The following CNKSR1 variants were observed in gnomAD, a reference collection of about 807,000 sequenced individuals.
CNKSR1 encodes the protein CNK homolog protein 1.
CNKSR1 carries 88 observed loss-of-function variants against 95.6 expected under a neutral mutation model. The observed-to-expected ratio is 0.92, with a 90% CI of 0.78 to 1.10. The LOEUF (loss-of-function observed/expected upper bound fraction) is 1.10. Ranked by LOEUF, CNKSR1 falls within the 50% of genes least tolerant of loss-of-function variation. CNKSR1 has a pLI of 0.00. For missense variants in CNKSR1, 836 were observed against 912.0 expected (o/e 0.92, Z 1.07); for synonymous variants, 355 against 369.7 (o/e 0.96, Z 0.46).
rs778109288 is a variant in CNKSR1, at chr1:26,180,906, T to C, written c.392+10T>C. 1.2e-6 allele frequency: 2 copies of C among 1,613,666 alleles called. No homozygotes were observed. Among genetic ancestry groups the C allele is most frequent in the Admixed American group, 3.3e-5 (2 of 59,994 alleles). ...TCTTCTGGCTCAGCAGGTACCCGGGTTGGGGTGACGAGTGAGGGACTATTG... is the reference window on the plus strand; with the variant it reads ...TCTTCTGGCTCAGCAGGTACCCGGGCTGGGGTGACGAGTGAGGGACTATTG... On this transcript the variant is annotated intron_variant, in intron 3 of 20. Coordinates refer to ENST00000361530, the MANE Select transcript of CNKSR1 (RefSeq NM_006314.3).
rs1045105 is a variant in CNKSR1, at chr1:26,189,465, C to T, written c.2059C>T (p.His687Tyr). 3.2e-3 allele frequency: 5,134 copies of T among 1,614,006 alleles called. 111 individuals are homozygous for T. In the African/African-American group the frequency reaches 0.054, roughly 17 times the overall value. Residue 687 changes from histidine (H) to tyrosine (Y), a missense_variant, in exon 21 of 21, where the codon CAC becomes TAC. Physicochemically the swap from His to Tyr is moderately conservative, Grantham distance 83. Coordinates refer to ENST00000361530, the MANE Select transcript of CNKSR1 (RefSeq NM_006314.3). The stretch of plus-strand genomic sequence containing the variant: ...CTCTGACTCCACAGAACAGTCCCCC[C>T]ACTCCCTGCCCTCTGACCCTGAAGA... ...LTSDSTEQSP[H>Y]SLPSDPEEHS...
At chr1:26,186,538 A>G (rs2088754316) in intron 14 of CNKSR1, among the ~76,000 whole-genome samples, 1 of 151,948 alleles carries the variant, frequency 6.6e-6, no homozygotes, top group East Asian at 1.9e-4. Context: ...GCAGTGGCGC[A>G]ATCGCAGCTC....
chr1:26,189,383 A>G lies in CNKSR1; in HGVS notation c.1977A>G (p.Ser659=), dbSNP rs773077969. ...QWKEQNRELY[S]EGLGAWGVAQ... ...AGGAGCAGAACCGGGAGCTGTACTCAGAGGGCCTGGGGGCCTGGGGAGTGG... is the reference window on the plus strand; with the variant it reads ...AGGAGCAGAACCGGGAGCTGTACTCGGAGGGCCTGGGGGCCTGGGGAGTGG... Residue 659 remains serine, a synonymous_variant, in exon 21 of 21, where the codon TCA becomes TCG. Transcript: ENST00000361530. 5.6e-6 allele frequency: 9 copies of G among 1,614,002 alleles called. No individual in the cohort carries two copies. The highest frequency in any genetic ancestry group is 8.5e-7 in the Non-Finnish European group (1 of 1,179,854).
intron 6 of CNKSR1, 50 bp downstream of exon 6, chr1:26,182,634 C>A: frequency 6.6e-7 from 1 of 1,509,090 alleles, no homozygotes; most frequent in Non-Finnish European, 9.1e-7. Context: ...GCAGCCTTGT[C>A]TGGGCCCTGA....
chr1:26,185,125 G>A lies in CNKSR1; in HGVS notation c.1247G>A (p.Arg416His), dbSNP rs765383449. 56 of 1,587,304 alleles carry A rather than the reference G, an allele frequency of 3.5e-5. No individual in the cohort carries two copies. In the East Asian group the frequency reaches 8.7e-4, roughly 25 times the overall value. Residue 416 changes from arginine (R) to histidine (H), a missense_variant, in exon 14 of 21, where the codon CGC becomes CAC. Physicochemically the swap from Arg to His is conservative, Grantham distance 29. Coordinates refer to ENST00000361530, the MANE Select transcript of CNKSR1 (RefSeq NM_006314.3). The part of the protein sequence containing the change: ...RKAPGGFMGP[R>H]WRRRWFVLKG... The stretch of plus-strand genomic sequence containing the variant: ...GCACCGGGCGGCTTCATGGGCCCGC[G>A]CTGGCGCCGCCGCTGGTTTGTGCTC...
chr1:26,180,617 G>A lies in CNKSR1; in HGVS notation c.210+7G>A, dbSNP rs1165275927. ...GGAACAGCTCCAGGCCCTGGTGAGT[G>A]AATGCTGGTCACACTGGCTGCAGCT... On this transcript the variant is annotated splice_region_variant and intron_variant, in intron 2 of 20. Transcript: ENST00000361530. The A allele has an allele frequency of 1.2e-6, 2 of 1,614,070 alleles. No homozygotes were observed. Among genetic ancestry groups the A allele is most frequent in the East Asian group, 4.5e-5 (2 of 44,896 alleles).
chr1:26,184,520 G>C lies in CNKSR1; in HGVS notation c.1107+13G>C. On this transcript the variant is annotated intron_variant, in intron 12 of 20. Transcript: ENST00000361530. ...ATCCCCTGACAAGGTAAGCTCAGGG[G>C]CTTAGCAAGGGGGTGGGTGGGTCTG... 1 of 1,608,088 alleles carries C rather than the reference G, an allele frequency of 6.2e-7. No homozygotes were observed. Among genetic ancestry groups the C allele is most frequent in the Non-Finnish European group, 8.5e-7 (1 of 1,177,210 alleles).
chr1:26,177,715 C>G, intron 1 of CNKSR1, 116 bp downstream of exon 1: 1 of 1,197,066 alleles, frequency 8.4e-7, no homozygotes, highest in South Asian at 1.4e-5. Context: ...CTGGTTCACA[C>G]CTGTAATCCC....
chr1:26,185,800 G>C (rs1327514398), intron 14 of CNKSR1, among the ~76,000 whole-genome samples: 1 of 152,030 alleles, frequency 6.6e-6, no homozygotes, highest in East Asian at 1.9e-4. Flanking sequence ...CAGAATGCTG[G>C]GATTATAGGC....
At chr1:26,188,164 TA>T (rs2088788807) in intron 16 of CNKSR1, 69 bp from the exon 17 acceptor site, 1 of 1,327,288 alleles carries the variant, frequency 7.5e-7, no homozygotes, top group Admixed American at 1.7e-5. Context: ...ATGATGTGGG[TA>T]AAAAGCCCCC....
chr1:26,184,591 G>C lies in CNKSR1; in HGVS notation c.1114G>C (p.Val372Leu), dbSNP rs751956083. The C allele has an allele frequency of 5.6e-6, 9 of 1,607,270 alleles. No homozygotes were observed. The highest frequency in any genetic ancestry group is 7.6e-6 in the Non-Finnish European group (9 of 1,177,114). Residue 372 changes from valine (V) to leucine (L), a missense_variant, in exon 13 of 21, where the codon GTT (valine) becomes CTT (leucine). Coordinates refer to ENST00000361530, the MANE Select transcript of CNKSR1 (RefSeq NM_006314.3). ...CCTTCTGCTGTCCTTTCAGAGTCCT[G>C]TTGGTCGGAAGAAATCAAAAGGTAT... ...GLPESPDKSP[V>L]GRKKSKGLAT...
rs746280422 is a variant in CNKSR1 at position 26,180,534 on chromosome 1, G to T, written c.134G>T (p.Ser45Ile). Residue 45 changes from serine to isoleucine, a missense_variant, in exon 2 of 21, where the codon AGC (serine) becomes ATC (isoleucine). Transcript: ENST00000361530. ...GKNLLQLCPQ[S>I]LEALAVRSLG... The stretch of plus-strand genomic sequence containing the variant: ...AACCTGCTCCAGCTCTGCCCCCAAA[G>T]CCTCGAGGCTCTGGCTGTGCGGTCT... 4 of 1,614,208 alleles carry T rather than the reference G, an allele frequency of 2.5e-6. No individual in the cohort carries two copies. Among genetic ancestry groups the T allele is most frequent in the Non-Finnish European group, 3.4e-6 (4 of 1,180,042 alleles).
rs770741751 is a variant in CNKSR1 at position 26,184,526 on chromosome 1, C to A, written c.1107+19C>A. ...TGACAAGGTAAGCTCAGGGGCTTAG[C>A]AAGGGGGTGGGTGGGTCTGGACCTA... On this transcript the variant is annotated intron_variant, in intron 12 of 20. Coordinates refer to ENST00000361530, the MANE Select transcript of CNKSR1 (RefSeq NM_006314.3). 8 of 1,606,916 alleles carry A rather than the reference C, an allele frequency of 5.0e-6. No individual in the cohort carries two copies. Among genetic ancestry groups the A allele is most frequent in the Non-Finnish European group, 6.8e-6 (8 of 1,176,422 alleles).
Position 26,184,203 on chromosome 1 carries a change from G to C in CNKSR1, c.927-11G>C, listed in dbSNP as rs751128178. On this transcript the variant is annotated splice_polypyrimidine_tract_variant and intron_variant, in intron 10 of 20. Transcript: ENST00000361530. ...ACCGTGGGCTCATCTCATCCCCCTTGCCCTCCCCAGGGCCCCATCTGAAGA... is the reference window on the plus strand; with the variant it reads ...ACCGTGGGCTCATCTCATCCCCCTTCCCCTCCCCAGGGCCCCATCTGAAGA... The C allele has an allele frequency of 1.2e-6, 2 of 1,612,496 alleles. No individual in the cohort carries two copies. The highest frequency in any genetic ancestry group is 2.2e-5 in the East Asian group (1 of 44,764).
rs774855755 is a variant in CNKSR1 at position 26,177,559 on chromosome 1, A to G, written c.12A>G (p.Val4=). 1.2e-6 allele frequency: 2 copies of G among 1,614,000 alleles called. No homozygotes were observed. Among genetic ancestry groups the G allele is most frequent in the African/African-American group, 2.7e-5 (2 of 74,952 alleles). The change falls in exon 1 of 21, where the codon GTA becomes GTG. Residue 4 remains valine, a synonymous_variant. Transcript: ENST00000361530. MEP[V]ETWTPGKVAT... Reference sequence around the variant, plus strand: ...GGCAGAGCTGGGCCATGGAACCGGTAGAGACCTGGACCCCCGGAAAGGTGG... The same window carrying G: ...GGCAGAGCTGGGCCATGGAACCGGTGGAGACCTGGACCCCCGGAAAGGTGG...
In CNKSR1 at chr1:26,189,405, G is replaced by A; in HGVS notation, c.1999G>A (p.Val667Met). 1.9e-6 allele frequency: 3 copies of A among 1,613,956 alleles called. No homozygotes were observed. The highest frequency in any genetic ancestry group is 1.7e-6 in the Non-Finnish European group (2 of 1,179,834). ...LYSEGLGAWG[V>M]AQAEGSSHIL... Reference sequence around the variant, plus strand: ...CTCAGAGGGCCTGGGGGCCTGGGGAGTGGCACAGGCTGAAGGCAGCTCCCA... The same window carrying A: ...CTCAGAGGGCCTGGGGGCCTGGGGAATGGCACAGGCTGAAGGCAGCTCCCA... The change falls in exon 21 of 21, where the codon GTG (valine) becomes ATG (methionine). Residue 667 changes from valine to methionine, a missense_variant. By Grantham distance (21) the Val-to-Met change is conservative. Coordinates refer to ENST00000361530, the MANE Select transcript of CNKSR1 (RefSeq NM_006314.3).
chr1:26,188,171 C>T lies in CNKSR1; in HGVS notation c.1455-63C>T, dbSNP rs2088788852. On this transcript the variant is annotated intron_variant, in intron 16 of 20. Coordinates refer to ENST00000361530, the MANE Select transcript of CNKSR1 (RefSeq NM_006314.3). ...ATTAGAAGATGATGTGGGTAAAAAG[C>T]CCCCAGCATACAAGAGGGCCCCAGT... The T allele has an allele frequency of 4.3e-6, 6 of 1,401,120 alleles. No homozygotes were observed. The East Asian group carries it at 1.4e-4, about 32-fold the overall frequency. 86.8% of individuals were successfully genotyped at this position (1,401,120 alleles called of 1,614,324 possible). A position where few individuals can be genotyped will look rare whatever the true frequency, so the allele number is the denominator to read the frequency against.
At position 26,179,037 on chromosome 1, in the gene CNKSR1, T is replaced by C. The variant is rs993411440; in HGVS notation, c.53-1416T>C. ...TCAGTTTTCCCATCTGTAAGCAGGA[T>C]AATGATAGTCTTTACCTCCTAGAAA... On this transcript the variant is annotated intron_variant, in intron 1 of 20. Transcript: ENST00000361530. Among the ~76,000 whole-genome samples the C allele has an allele frequency of 2.0e-5, 3 of 152,366 alleles. No individual in the cohort carries two copies. The East Asian group carries it at 5.8e-4, about 29-fold the overall frequency.
At position 26,188,425 on chromosome 1, in the gene CNKSR1, G is replaced by T. The variant is rs1260948475; in HGVS notation, c.1529-17G>T. The T allele has an allele frequency of 6.2e-7, 1 of 1,605,338 alleles. No homozygotes were observed. Among genetic ancestry groups the T allele is most frequent in the African/African-American group, 1.3e-5 (1 of 74,868 alleles). The stretch of plus-strand genomic sequence containing the variant: ...CTCCCTGGCCTCCCAAAAACCCACT[G>T]CTGCTCCTCACCCCAGACTGCTACA... On this transcript the variant is annotated splice_polypyrimidine_tract_variant and intron_variant, in intron 17 of 20. Coordinates refer to ENST00000361530, the MANE Select transcript of CNKSR1 (RefSeq NM_006314.3).
Sources: allele counts gnomAD v4.1 joint callset (sites outside exome capture counted in the v4.1 genomes callset), GRCh38; gene constraint gnomAD v4.1.1; transcripts MANE v1.5; gene names NCBI Gene and HGNC (gene_info 2026-07-23, HGNC 2026-07-21).